Variants in CRISPLD1 observed in about 807,000 individuals in gnomAD.
CRISPLD1 encodes cysteine rich secretory protein LCCL domain containing 1.
CRISPLD1 carries 60 observed loss-of-function variants against 77.5 expected under a neutral mutation model. That is an observed-to-expected ratio of 0.77 (90% CI 0.63 to 0.96). CRISPLD1 has a LOEUF of 0.96. CRISPLD1 is among the 40% of genes least tolerant of loss of function. The pLI is 0.00. For missense variants in CRISPLD1, 623 were observed against 615.8 expected, an observed-to-expected ratio of 1.01 and a Z score of -0.12; for synonymous variants, 195 against 200.1, an observed-to-expected ratio of 0.97 and a Z score of 0.22.
At chr8:75,008,107 C>T (rs901262499) in intron 2 of CRISPLD1, among the ~76,000 whole-genome samples, 1 of 152,114 alleles carries the variant, frequency 6.6e-6, no homozygotes, top group East Asian at 1.9e-4. Context: ...CAATAGTATT[C>T]TAAATATTTC....
intron 2 of CRISPLD1, among the ~76,000 whole-genome samples, chr8:74,994,859 G>A (rs1812623144): frequency 6.6e-6 from 1 of 152,162 alleles, no homozygotes; most frequent in Non-Finnish European, 1.5e-5. Flanking sequence ...GAACTTGGAA[G>A]CATTGTAGTT....
chr8:74,986,859 A>G (rs1472077503), intron 2 of CRISPLD1, among the ~76,000 whole-genome samples: 1 of 152,226 alleles, frequency 6.6e-6, no homozygotes, highest in Non-Finnish European at 1.5e-5. Flanking sequence ...TAACAACCTT[A>G]TATTTACTCT....
At chr8:75,022,240 T>A (rs569401202) in intron 12 of CRISPLD1, among the ~76,000 whole-genome samples, 1 of 151,604 alleles carries the variant, frequency 6.6e-6, no homozygotes, top group Non-Finnish European at 1.5e-5. Flanking sequence ...GCTTCTCCCT[T>A]TTTTTTTATT....
chr8:75,000,019 A>AT (rs1328480907), intron 2 of CRISPLD1: 2 of 350,556 alleles, frequency 5.7e-6, no homozygotes, highest in Non-Finnish European at 7.9e-6. Context: ...TTGAGTAAGT[A>AT]TGAGGGGTTG....
At position 75,030,654 on chromosome 8, in the gene CRISPLD1, AAT is replaced by A. The variant is rs200109513; in HGVS notation, c.1451+1138_1451+1139del. Among the ~76,000 whole-genome samples the A allele has an allele frequency of 5.7e-4, 86 of 151,432 alleles. No individual in the cohort carries two copies. The East Asian group carries it at 9.1e-3, about 16-fold the overall frequency. The stretch of plus-strand genomic sequence containing the variant: ...GTTAGCTCAGCTTCGACAGCCCTGA[AAT>A]GTCAGGCCTATACCCGGAGATATAT... On this transcript the variant is annotated intron_variant, in intron 14 of 14. Coordinates refer to ENST00000262207, the MANE Select transcript of CRISPLD1 (RefSeq NM_031461.6).
In CRISPLD1 at chr8:75,017,428, A is replaced by G. The variant is rs765598042; in HGVS notation, c.1105A>G (p.Arg369Gly). The change falls in exon 10 of 15, where the codon AGA (arginine) becomes GGA (glycine). Residue 369 changes from arginine to glycine, a missense_variant. Transcript: ENST00000262207. The part of the protein sequence containing the change: ...GRKHYFIKSN[R>G]NGIQTIGKYQ... The stretch of plus-strand genomic sequence containing the variant: ...AAAGCATTATTTCATCAAGTCCAAT[A>G]GAAATGGTATTCAAACAATTGGGTA... The G allele has an allele frequency of 6.2e-7, 1 of 1,606,016 alleles. No individual in the cohort carries two copies. The highest frequency in any genetic ancestry group is 1.1e-5 in the South Asian group (1 of 89,028).
intron 12 of CRISPLD1, among the ~76,000 whole-genome samples, chr8:75,023,928 C>T (rs931349982): frequency 1.3e-5 from 2 of 151,908 alleles, no homozygotes; most frequent in African/African-American, 2.4e-5. Context: ...TTGGATCCTA[C>T]GTTTAAATAA....
chr8:75,009,778 A>G (rs1358448221), intron 2 of CRISPLD1, among the ~76,000 whole-genome samples: 1 of 152,162 alleles, frequency 6.6e-6, no homozygotes, highest in Non-Finnish European at 1.5e-5. Context: ...TACAAAAGGA[A>G]ATCAACATTT....
intron 2 of CRISPLD1, among the ~76,000 whole-genome samples, chr8:75,000,608 G>GACTA (rs1392795410): frequency 6.6e-6 from 1 of 151,946 alleles, no homozygotes. Context: ...GACTCACTTA[G>GACTA]AGCCTAACCT....
At chr8:74,987,195 T>C (rs1024686940) in intron 2 of CRISPLD1, among the ~76,000 whole-genome samples, 1 of 152,208 alleles carries the variant, frequency 6.6e-6, no homozygotes, top group Admixed American at 6.5e-5. Context: ...AAGTTCCTAT[T>C]GCCCGTTATA....
In CRISPLD1 at chr8:74,994,666, C is replaced by T. The variant is rs549390311; in HGVS notation, c.258+8421C>T. Among the ~76,000 whole-genome samples, 3 of 152,276 alleles carry T rather than the reference C, an allele frequency of 2.0e-5. No homozygotes were observed. In the South Asian group the frequency reaches 6.2e-4, roughly 32 times the overall value. On this transcript the variant is annotated intron_variant, in intron 2 of 14. Transcript: ENST00000262207. ...TCTCAAAACGCAATCTGCTTCCTCC[C>T]TCCTTAAAAACAGAAAATGAGAACT...
chr8:75,024,981 G>A (rs1813206934), intron 12 of CRISPLD1, among the ~76,000 whole-genome samples: 1 of 152,158 alleles, frequency 6.6e-6, no homozygotes, highest in African/African-American at 2.4e-5. Context: ...TAGGAATTTG[G>A]TTTCATACAT....
Position 75,012,512 on chromosome 8 carries a change from T to G in CRISPLD1, c.338T>G (p.Leu113Arg). The change falls in exon 3 of 15, where the codon CTT (leucine) becomes CGT (arginine). Residue 113 changes from leucine to arginine, a missense_variant. By Grantham distance (102) the Leu-to-Arg change is moderately radical (BLOSUM62 -2). Coordinates refer to ENST00000262207, the MANE Select transcript of CRISPLD1 (RefSeq NM_031461.6). ...CLWEHGPASL[L>R]PSIGQNLGAH... ...TGGGAACATGGACCTGCAAGCTTGCTTCCATCAATTGGACAGAATTTGGGA... is the reference window on the plus strand; with the variant it reads ...TGGGAACATGGACCTGCAAGCTTGCGTCCATCAATTGGACAGAATTTGGGA... The G allele has an allele frequency of 6.2e-7, 1 of 1,612,836 alleles. No individual in the cohort carries two copies. Among genetic ancestry groups the G allele is most frequent in the Non-Finnish European group, 8.5e-7 (1 of 1,179,088 alleles).
intron 2 of CRISPLD1, among the ~76,000 whole-genome samples, chr8:75,004,677 A>T (rs571032969): frequency 6.6e-6 from 1 of 152,106 alleles, no homozygotes; most frequent in African/African-American, 2.4e-5. Context: ...TCGAAATAAG[A>T]TGGATGATTT....
At chr8:74,986,672 G>A (rs183413935) in intron 2 of CRISPLD1, among the ~76,000 whole-genome samples, 126 of 152,248 alleles carry the variant, frequency 8.3e-4, no homozygotes, top group Admixed American at 1.6e-3. Context: ...TTCCTAATGG[G>A]TCTTTGTTTC....
chr8:75,032,147 G>T, intron 14 of CRISPLD1, 44 bp from the exon 15 acceptor site: 1 of 1,322,572 alleles, frequency 7.6e-7, no homozygotes, highest in Non-Finnish European at 1.1e-6. Context: ...ATTATGTATA[G>T]AGATGACATC....
At chr8:75,002,923 A>T (rs962955137) in intron 2 of CRISPLD1, among the ~76,000 whole-genome samples, 19 of 152,216 alleles carry the variant, frequency 1.2e-4, no homozygotes, top group African/African-American at 4.1e-4. Flanking sequence ...CATTCTTTAA[A>T]AAATCATCCT....
Position 75,032,301 on chromosome 8 carries a change from T to C in CRISPLD1, c.*59T>C, listed in dbSNP as rs1332063735. 4 of 1,324,162 alleles carry C rather than the reference T, an allele frequency of 3.0e-6. No homozygotes were observed. Among genetic ancestry groups the C allele is most frequent in the Admixed American group, 3.7e-5 (2 of 54,518 alleles). The allele number at this position is 1,324,162 out of a possible 1,614,324, so 82.0% of individuals were successfully genotyped here. On this transcript the variant is annotated 3_prime_UTR_variant, in exon 15 of 15. Transcript: ENST00000262207. ...TTCCAAATGCAATATTTCTGAATTT[T>C]GTATAAAACTGTAACATTACTGTAC...
chr8:74,986,275 AAAG>A, intron 2 of CRISPLD1, 30 bp downstream of exon 2: 1 of 1,592,634 alleles, frequency 6.3e-7, no homozygotes. Flanking sequence ...GGTATGTACA[AAAG>A]AAATGTTTAT....
Sources: gnomAD v4.1 joint callset for allele counts (sites outside exome capture counted in the v4.1 genomes callset) on GRCh38, gnomAD v4.1.1 for gene constraint, MANE v1.5 for transcripts, NCBI Gene and HGNC (gene_info 2026-07-23, HGNC 2026-07-21) for gene names.